ACMSD: variants seen among roughly 807,000 people sequenced by gnomAD.
ACMSD encodes 2-amino-3-carboxymuconate-6-semialdehyde decarboxylase.
ACMSD carries 37 observed loss-of-function variants against 45.9 expected under a neutral mutation model. The ratio of observed to expected loss-of-function variants is 0.81; its 90% CI spans 0.62 to 1.06. The LOEUF is 1.06. ACMSD is among the 50% of genes least tolerant of loss of function. The probability of loss-of-function intolerance (pLI) is 0.00; values close to 1 mark genes in which losing one functional copy is unlikely to be tolerated. For synonymous variants in ACMSD, 138 were observed against 148.8 expected (o/e 0.93, Z 0.53); for missense variants, 434 against 420.9 (o/e 1.03, Z -0.27).
At chr2:134,888,515 G>A (rs770678986) in intron 8 of ACMSD, among the ~76,000 whole-genome samples, 11 of 152,060 alleles carry the variant, frequency 7.2e-5, no homozygotes, top group South Asian at 2.1e-4. Flanking sequence ...AATACAGCTT[G>A]TATAAAAAAG....
At chr2:134,895,338 AATATAT>A (rs1553517012) in intron 8 of ACMSD, among the ~76,000 whole-genome samples, 2 of 145,428 alleles carry the variant, frequency 1.4e-5, no homozygotes, top group Admixed American at 1.4e-4. Flanking sequence ...TTATATATAT[AATATAT>A]ATATAACATA....
At chr2:134,874,310 A>G (rs1688620465) in intron 8 of ACMSD, among the ~76,000 whole-genome samples, 2 of 152,236 alleles carry the variant, frequency 1.3e-5, no homozygotes. Context: ...ATGTGACCTT[A>G]TTTTATGTGA....
intron 8 of ACMSD, among the ~76,000 whole-genome samples, chr2:134,886,148 A>T (rs1450403514): frequency 6.6e-6 from 1 of 152,102 alleles, no homozygotes; most frequent in Non-Finnish European, 1.5e-5. Flanking sequence ...TTTGAAAATC[A>T]GTGTAATTCA....
intron 8 of ACMSD, among the ~76,000 whole-genome samples, chr2:134,897,598 A>C (rs575296151): frequency 1.3e-5 from 2 of 152,242 alleles, no homozygotes; most frequent in African/African-American, 4.8e-5. Context: ...ACTTTGATAA[A>C]TTGCCATTAT....
At position 134,861,915 on chromosome 2, in the gene ACMSD, A is replaced by C. The variant is rs75020600; in HGVS notation, c.200-54A>C. On this transcript the variant is annotated intron_variant, in intron 3 of 9. Transcript: ENST00000356140. ...GCCGCTTGGCCTTGGGAAAGGAAGG[A>C]GTGCCCAGCCTATTCTTCTCACCAG... is the stretch of plus-strand genomic sequence containing the variant. 473 of 1,601,606 alleles carry C rather than the reference A, an allele frequency of 3.0e-4. No individual in the cohort carries two copies. In the African/African-American group the frequency reaches 5.5e-3, roughly 19 times the overall value.
intron 3 of ACMSD, among the ~76,000 whole-genome samples, chr2:134,861,251 C>G (rs1206267532): frequency 6.6e-6 from 1 of 152,042 alleles, no homozygotes; most frequent in Non-Finnish European, 1.5e-5. Flanking sequence ...AAGGACCTGC[C>G]TTTTCAAGGA....
chr2:134,874,391 T>C (rs767719281), intron 8 of ACMSD, among the ~76,000 whole-genome samples: 3 of 152,198 alleles, frequency 2.0e-5, no homozygotes, highest in Non-Finnish European at 4.4e-5. Context: ...TTTAAAATAT[T>C]AATACTTCTT....
chr2:134,898,505 G>A, intron 9 of ACMSD, 66 bp downstream of exon 9: 1 of 1,107,752 alleles, frequency 9.0e-7, no homozygotes, highest in Non-Finnish European at 1.3e-6. Context: ...TTTGGTTTCA[G>A]AGCACTTTGA....
At chr2:134,852,089 C>T (rs1307028168) in intron 2 of ACMSD, among the ~76,000 whole-genome samples, 1 of 152,072 alleles carries the variant, frequency 6.6e-6, no homozygotes, top group Non-Finnish European at 1.5e-5. Context: ...AATTAGACTA[C>T]TTTGAAAAGA....
intron 8 of ACMSD, among the ~76,000 whole-genome samples, chr2:134,892,315 AAAACT>A (rs1413481834): frequency 6.6e-6 from 1 of 152,074 alleles, no homozygotes; most frequent in Non-Finnish European, 1.5e-5. Flanking sequence ...ATGAATTGGG[AAAACT>A]AAACTAGTAA....
At chr2:134,885,391 T>TATGTAA (rs1203702952) in intron 8 of ACMSD, among the ~76,000 whole-genome samples, 20 of 102,042 alleles carry the variant, frequency 2.0e-4, no homozygotes, top group African/African-American at 7.9e-4. Context: ...TATATGTAAA[T>TATGTAA]ATATATATTT....
At chr2:134,868,684 C>T (rs1228810090) in intron 6 of ACMSD, among the ~76,000 whole-genome samples, 1 of 151,928 alleles carries the variant, frequency 6.6e-6, no homozygotes, top group Non-Finnish European at 1.5e-5. Context: ...AATTCTTGGC[C>T]TCAAGTGATC....
intron 2 of ACMSD, 24 bp from the exon 3 acceptor site, chr2:134,859,237 A>G (rs1411987957): frequency 8.7e-6 from 14 of 1,605,718 alleles, no homozygotes; most frequent in Admixed American, 5.0e-5. Context: ...GTTGCATTTT[A>G]GTAATGTGGG....
intron 2 of ACMSD, 122 bp from the exon 3 acceptor site, chr2:134,859,139 C>A: frequency 1.2e-6 from 1 of 801,190 alleles, no homozygotes; most frequent in Non-Finnish European, 2.0e-6. Context: ...TTTCTACTTC[C>A]ACAAGGATTA....
intron 7 of ACMSD, among the ~76,000 whole-genome samples, chr2:134,872,120 C>A (rs984046103): frequency 6.6e-6 from 1 of 152,062 alleles, no homozygotes; most frequent in Non-Finnish European, 1.5e-5. Flanking sequence ...CCACACCCAA[C>A]TAATTTTTTT....
Position 134,854,582 on chromosome 2 carries a change from A to G in ACMSD, c.103-4679A>G, listed in dbSNP as rs372769455. The stretch of plus-strand genomic sequence containing the variant: ...TACAGGTGGACTCTGCATAGTCCCT[A>G]CTTCCTCACATTGCTCACTTCCAGG... On this transcript the variant is annotated intron_variant, in intron 2 of 9. Coordinates refer to ENST00000356140, the MANE Select transcript of ACMSD (RefSeq NM_138326.3). Among the ~76,000 whole-genome samples, 122 of 152,344 alleles carry G rather than the reference A, an allele frequency of 8.0e-4. 3 individuals are homozygous for G. In the South Asian group the frequency reaches 0.024, roughly 30 times the overall value.
At chr2:134,894,350 A>C (rs1367619918) in intron 8 of ACMSD, among the ~76,000 whole-genome samples, 1 of 152,148 alleles carries the variant, frequency 6.6e-6, no homozygotes, top group Non-Finnish European at 1.5e-5. Context: ...TTGAGCAACT[A>C]TATGACAACA....
chr2:134,874,536 G>A (rs756088363), intron 8 of ACMSD, among the ~76,000 whole-genome samples: 17 of 152,306 alleles, frequency 1.1e-4, no homozygotes, highest in Non-Finnish European at 2.2e-4. Flanking sequence ...ACAAAATGCC[G>A]TGGAGGGAGG....
chr2:134,892,426 C>G (rs544647589), intron 8 of ACMSD, among the ~76,000 whole-genome samples: 1 of 151,148 alleles, frequency 6.6e-6, no homozygotes, highest in African/African-American at 2.4e-5. Context: ...GTAAAAAGGG[C>G]CTGTGCTGAA....
Sources: gnomAD v4.1 joint callset for allele counts (sites outside exome capture counted in the v4.1 genomes callset) on GRCh38, gnomAD v4.1.1 for gene constraint, MANE v1.5 for transcripts, NCBI Gene and HGNC (gene_info 2026-07-23, HGNC 2026-07-21) for gene names.